Variants in TTPAL observed in about 807,000 individuals in gnomAD.
TTPAL encodes alpha tocopherol transfer protein like, also known as alpha-tocopherol transfer protein-like.
TTPAL carries 21 observed loss-of-function variants against 28.7 expected under a neutral mutation model. The observed-to-expected ratio is 0.73, with a 90% CI of 0.52 to 1.06. The LOEUF is 1.06. TTPAL is among the 50% of genes least tolerant of loss of function. The probability of loss-of-function intolerance (pLI) is 0.00; values close to 1 mark genes in which losing one functional copy is unlikely to be tolerated. For missense variants in TTPAL, 345 were observed against 425.5 expected, an observed-to-expected ratio of 0.81 and a Z score of 1.67; for synonymous variants, 169 against 171.9, an observed-to-expected ratio of 0.98 and a Z score of 0.13.
At chr20:44,482,517 GA>G (rs2064115478) in intron 2 of TTPAL, among the ~76,000 whole-genome samples, 1 of 149,126 alleles carries the variant, frequency 6.7e-6, no homozygotes, top group Admixed American at 6.7e-5. Context: ...AGGTTGCAAT[GA>G]GCCGAGATCA....
intron 2 of TTPAL, among the ~76,000 whole-genome samples, chr20:44,482,530 G>A (rs1046895031): frequency 1.9e-4 from 28 of 145,018 alleles, no homozygotes; most frequent in Admixed American, 1.3e-3. Flanking sequence ...CCGAGATCAC[G>A]CCACTGCACT....
chr20:44,480,529 C>G lies in TTPAL; in HGVS notation c.445+85C>G. The G allele has an allele frequency of 7.7e-7, 1 of 1,299,580 alleles. No individual in the cohort carries two copies. The highest frequency in any genetic ancestry group is 1.1e-6 in the Non-Finnish European group (1 of 950,522). The allele number at this position is 1,299,580 out of a possible 1,614,324, so 80.5% of individuals were successfully genotyped here. ...AGCACCCTGTCCTCCTTTCCAAGTCCCTTTTTTACCCCTCCTTTGTTATAG... is the reference window on the plus strand; with the variant it reads ...AGCACCCTGTCCTCCTTTCCAAGTCGCTTTTTTACCCCTCCTTTGTTATAG... On this transcript the variant is annotated intron_variant, in intron 2 of 4. Coordinates refer to ENST00000262605, the MANE Select transcript of TTPAL (RefSeq NM_001039199.3). This position sits in a 1 kb window ranked among gnomAD's most constrained non-coding sequence, Gnocchi z 4.1.
intron 4 of TTPAL, among the ~76,000 whole-genome samples, chr20:44,487,163 T>C (rs991467927): frequency 1.3e-5 from 2 of 152,056 alleles, no homozygotes; most frequent in African/African-American, 2.4e-5. Flanking sequence ...ATGCCTGTAA[T>C]TGCAGCTACT....
chr20:44,478,372 A>G (rs940039407), intron 1 of TTPAL, among the ~76,000 whole-genome samples: 1 of 152,198 alleles, frequency 6.6e-6, no homozygotes, highest in African/African-American at 2.4e-5. Flanking sequence ...TGCCTGTTAG[A>G]GGAGTCCTAT....
chr20:44,489,441 G>C lies in TTPAL; in HGVS notation c.929G>C (p.Ser310Thr), dbSNP rs1358872117. Residue 310 changes from serine to threonine, a missense_variant, in exon 5 of 5, where the codon AGC (serine) becomes ACC (threonine). By Grantham distance (58) the Ser-to-Thr change is moderately conservative. Transcript: ENST00000262605. ...TGCCAACCTGTTCCTGCCTGTGACA[G>C]CATCCTGGGCCAGACGCTGCTGCCC... is the stretch of plus-strand genomic sequence containing the variant. Reference protein sequence around the residue: ...EFCQPVPACDSILGQTLLPEG... With the variant: ...EFCQPVPACDTILGQTLLPEG... 1 of 1,614,182 alleles carries C rather than the reference G, an allele frequency of 6.2e-7. No individual in the cohort carries two copies. Among genetic ancestry groups the C allele is most frequent in the South Asian group, 1.1e-5 (1 of 91,082 alleles).
rs941389125 is a variant in TTPAL, at chr20:44,492,342, C to T, written c.*2801C>T. The T allele has an allele frequency of 1.3e-5, 2 of 152,336 alleles. No individual in the cohort carries two copies. Among genetic ancestry groups the T allele is most frequent in the African/African-American group, 4.8e-5 (2 of 41,450 alleles). 9.4% of individuals were successfully genotyped at this position (152,336 alleles called of 1,614,324 possible). On this transcript the variant is annotated 3_prime_UTR_variant, in exon 5 of 5. Coordinates refer to ENST00000262605, the MANE Select transcript of TTPAL (RefSeq NM_001039199.3). The stretch of plus-strand genomic sequence containing the variant: ...GTTCCTTCAGGGAGAAGTTCTGGCC[C>T]ATTGCACAAACACTTGGAAATTAAC...
chr20:44,493,110 C>G lies in TTPAL; in HGVS notation c.*3569C>G, dbSNP rs1434110897. 6.6e-6 allele frequency: 1 copy of G among 152,116 alleles called. No homozygotes were observed. The highest frequency in any genetic ancestry group is 1.5e-5 in the Non-Finnish European group (1 of 68,052). The allele number at this position is 152,116 out of a possible 1,614,324, so 9.4% of individuals were successfully genotyped here. A position where few individuals can be genotyped will look rare whatever the true frequency, so the allele number is the denominator to read the frequency against. On this transcript the variant is annotated 3_prime_UTR_variant, in exon 5 of 5. Coordinates refer to ENST00000262605, the MANE Select transcript of TTPAL (RefSeq NM_001039199.3). ...CCAGCCTGGCCAACATGGTGAAACCCCGTCTCTACTAAAAATACAAAAAAT... is the reference window on the plus strand; with the variant it reads ...CCAGCCTGGCCAACATGGTGAAACCGCGTCTCTACTAAAAATACAAAAAAT...
In TTPAL at chr20:44,479,810, C is replaced by T. The variant is rs568343065; in HGVS notation, c.-15-175C>T. On this transcript the variant is annotated intron_variant, in intron 1 of 4. Transcript: ENST00000262605. ...TGCCTCCCTGGGGACTAACAGCAGC[C>T]GGCCTGGGGTCAGACTTGCGTGTAT... Among the ~76,000 whole-genome samples, 33 of 152,222 alleles carry T rather than the reference C, an allele frequency of 2.2e-4. No homozygotes were observed. In the South Asian group the frequency reaches 4.1e-3, roughly 19 times the overall value.
At chr20:44,481,665 G>A (rs1285507284) in intron 2 of TTPAL, among the ~76,000 whole-genome samples, 1 of 152,160 alleles carries the variant, frequency 6.6e-6, no homozygotes, top group African/African-American at 2.4e-5. Flanking sequence ...CCTCTTGAAG[G>A]GAAGTTTGAT....
At position 44,479,883 on chromosome 20, in the gene TTPAL, G is replaced by A. The variant is rs79588047; in HGVS notation, c.-15-102G>A. ...CCCAGTTGAGAAACACTGCCCTGAG[G>A]TTACTCGGTTTTTACAGAAGTGTTC... On this transcript the variant is annotated intron_variant, in intron 1 of 4. Transcript: ENST00000262605. 5,600 of 958,814 alleles carry A rather than the reference G, an allele frequency of 5.8e-3. 220 individuals are homozygous for A. In the African/African-American group the frequency reaches 0.083, roughly 14 times the overall value. 59.4% of individuals were successfully genotyped at this position (958,814 alleles called of 1,614,324 possible).
rs2064199718 is a variant in TTPAL at position 44,490,968 on chromosome 20, C to T, written c.*1427C>T. ...GCGGGCTCCTGTAGTCCCAGCTACT[C>T]GGGAGGCTGAGGCAGAAGAATCACG... On this transcript the variant is annotated 3_prime_UTR_variant, in exon 5 of 5. Coordinates refer to ENST00000262605, the MANE Select transcript of TTPAL (RefSeq NM_001039199.3). 6.8e-6 allele frequency: 1 copy of T among 147,384 alleles called. No homozygotes were observed. Among genetic ancestry groups the T allele is most frequent in the Non-Finnish European group, 1.5e-5 (1 of 67,578 alleles). 9.1% of individuals were successfully genotyped at this position (147,384 alleles called of 1,614,324 possible).
At chr20:44,483,477 G>T (rs2064124957) in intron 2 of TTPAL, among the ~76,000 whole-genome samples, 2 of 152,146 alleles carry the variant, frequency 1.3e-5, no homozygotes, top group South Asian at 4.1e-4. Context: ...ATCACACACT[G>T]TGGCCAGAAG....
At chr20:44,478,734 A>G (rs77093660) in intron 1 of TTPAL, 138 of 152,304 alleles carry the variant, frequency 9.1e-4, no homozygotes, top group African/African-American at 3.2e-3. Flanking sequence ...TCTGTACACT[A>G]TTCTGCAACT....
intron 2 of TTPAL, among the ~76,000 whole-genome samples, chr20:44,483,610 CA>C (rs2064125984): frequency 6.6e-6 from 1 of 152,084 alleles, no homozygotes; most frequent in Non-Finnish European, 1.5e-5. Context: ...TAAGGAAAAT[CA>C]GGTTAGTGCT....
Position 44,486,594 on chromosome 20 carries a change from A to G in TTPAL, c.640-2A>G. 6.3e-7 allele frequency: 1 copy of G among 1,594,242 alleles called. No homozygotes were observed. The highest frequency in any genetic ancestry group is 8.6e-7 in the Non-Finnish European group (1 of 1,166,488). On this transcript the variant is annotated splice_acceptor_variant, in intron 3 of 4. Transcript: ENST00000262605. LOFTEE classifies it high-confidence loss of function. ...CTAAACCCCTTTGCCTTTCCCACAC[A>G]GGATGGTTTCCCCATTCGGATAAAA...
rs1163854506 is a variant in TTPAL, at chr20:44,491,391, C to G, written c.*1850C>G. 1 of 152,140 alleles carries G rather than the reference C, an allele frequency of 6.6e-6. No individual in the cohort carries two copies. The highest frequency in any genetic ancestry group is 1.5e-5 in the Non-Finnish European group (1 of 68,034). The allele number at this position is 152,140 out of a possible 1,614,324, so 9.4% of individuals were successfully genotyped here. ...GAAAAGTACTGTGTTGTGTGTGCAC[C>G]TTCTCCGTGCATTTATTAGACTAAC... On this transcript the variant is annotated 3_prime_UTR_variant, in exon 5 of 5. Coordinates refer to ENST00000262605, the MANE Select transcript of TTPAL (RefSeq NM_001039199.3).
intron 2 of TTPAL, among the ~76,000 whole-genome samples, chr20:44,481,041 G>T (rs893506857): frequency 2.0e-5 from 3 of 152,304 alleles, no homozygotes; most frequent in Admixed American, 2.0e-4. Flanking sequence ...TCAGTGCAAG[G>T]GTGCGGACTG....
Position 44,492,253 on chromosome 20 carries a change from C to CCTTAT in TTPAL, c.*2716_*2717insTCTTA, listed in dbSNP as rs1476214744. 6.6e-6 allele frequency: 1 copy of CCTTAT among 152,378 alleles called. No homozygotes were observed. The highest frequency in any genetic ancestry group is 1.5e-5 in the Non-Finnish European group (1 of 68,082). The allele number at this position is 152,378 out of a possible 1,614,324, so 9.4% of individuals were successfully genotyped here. On this transcript the variant is annotated 3_prime_UTR_variant, in exon 5 of 5. Coordinates refer to ENST00000262605, the MANE Select transcript of TTPAL (RefSeq NM_001039199.3). The stretch of plus-strand genomic sequence containing the variant: ...ATGACCAGCCAGGGAGCACAGTGAG[C>CCTTAT]CTTACTCAGCACTGGGGAGCGCACT...
At chr20:44,476,321 C>T (rs766072682) in intron 1 of TTPAL, among the ~76,000 whole-genome samples, 25 of 152,304 alleles carry the variant, frequency 1.6e-4, no homozygotes, top group Admixed American at 3.3e-4. Context: ...ACTCATATGT[C>T]CGCCTGTCAG....
Sources: allele counts gnomAD v4.1 joint callset (sites outside exome capture counted in the v4.1 genomes callset), GRCh38; gene constraint gnomAD v4.1.1; non-coding constraint Gnocchi (gnomAD v3.1); transcripts MANE v1.5; gene names NCBI Gene and HGNC (gene_info 2026-07-23, HGNC 2026-07-21).